Variants in HECW2 observed in about 807,000 individuals in gnomAD.
HECW2 encodes the protein HECT, C2 and WW domain containing E3 ubiquitin protein ligase 2.
In HECW2, 61 loss-of-function variants were observed where a neutral mutation model predicts 175.2. The ratio of observed to expected loss-of-function variants is 0.35; its 90% CI spans 0.28 to 0.43. HECW2 has a LOEUF of 0.43. Ranked by LOEUF, HECW2 falls within the 20% of genes least tolerant of loss-of-function variation. The pLI is 1.00. For missense variants in HECW2, 1,524 were observed against 2,000.5 expected, an observed-to-expected ratio of 0.76 and a Z score of 4.54; for synonymous variants, 671 against 731.0, an observed-to-expected ratio of 0.92 and a Z score of 1.32.
chr2:196,382,359 A>G (rs1694231873), intron 2 of HECW2, among the ~76,000 whole-genome samples: 1 of 152,032 alleles, frequency 6.6e-6, no homozygotes, highest in Non-Finnish European at 1.5e-5. Context: ...TTGGAAATGC[A>G]TGAGAGGTTG....
chr2:196,410,997 T>TTTTTG (rs777787130), intron 2 of HECW2, among the ~76,000 whole-genome samples: 25 of 151,708 alleles, frequency 1.6e-4, no homozygotes, highest in Non-Finnish European at 2.8e-4. Context: ...AGACAGGAGC[T>TTTTTG]TTTTGTTTTG....
intron 2 of HECW2, among the ~76,000 whole-genome samples, chr2:196,426,787 T>C (rs967921525): frequency 2.6e-5 from 4 of 152,172 alleles, no homozygotes; most frequent in Admixed American, 2.6e-4. Flanking sequence ...ATCATCATTC[T>C]AGACCTTAGT....
chr2:196,577,447 A>C (rs994148036), intron 1 of HECW2, among the ~76,000 whole-genome samples: 2 of 152,178 alleles, frequency 1.3e-5, no homozygotes, highest in Non-Finnish European at 2.9e-5. Flanking sequence ...AGGATCTATT[A>C]GACCTGATGT....
intron 4 of HECW2, among the ~76,000 whole-genome samples, chr2:196,330,465 T>C (rs926723222): frequency 6.6e-6 from 1 of 152,224 alleles, no homozygotes; most frequent in Non-Finnish European, 1.5e-5. Flanking sequence ...TTAGATTAAA[T>C]TCTTCTGACA....
intron 1 of HECW2, chr2:196,586,545 C>A (rs1387351139): frequency 9.9e-5 from 15 of 152,168 alleles, no homozygotes; most frequent in Admixed American, 9.8e-4. Context: ...TCCATAGTTT[C>A]CACTGTTTCT....
chr2:196,546,756 A>G (rs1331006508), intron 1 of HECW2, among the ~76,000 whole-genome samples: 1 of 151,650 alleles, frequency 6.6e-6, no homozygotes, highest in African/African-American at 2.4e-5. Context: ...ACACAACAAG[A>G]TTCTTCTGCA....
intron 1 of HECW2, among the ~76,000 whole-genome samples, chr2:196,446,091 T>C (rs2125298962): frequency 6.6e-6 from 1 of 152,350 alleles, no homozygotes; most frequent in Non-Finnish European, 1.5e-5. Flanking sequence ...CCCCACATGA[T>C]CTGGCTGTTG....
rs1384518307 is a variant in HECW2 at position 196,433,455 on chromosome 2, A to G, written c.-32T>C. Reference sequence around the variant, plus strand: ...TGCTTCTCTGGGATTGGCTGCCTACAAAGCTGCAAGAGACAGATAAACATA... The same window carrying G: ...TGCTTCTCTGGGATTGGCTGCCTACGAAGCTGCAAGAGACAGATAAACATA... On this transcript the variant is annotated 5_prime_UTR_variant, in exon 2 of 29. Transcript: ENST00000644978. The G allele has an allele frequency of 1.9e-6, 3 of 1,599,610 alleles. No individual in the cohort carries two copies. The highest frequency in any genetic ancestry group is 2.2e-5 in the East Asian group (1 of 44,722).
Position 196,322,708 on chromosome 2 carries a change from T to C in HECW2, c.742-88A>G. On this transcript the variant is annotated intron_variant, in intron 6 of 28. Coordinates refer to ENST00000644978, the MANE Select transcript of HECW2 (RefSeq NM_001348768.2). ...TTATTTGTATAGGAAATGGTATCTC[T>C]TAAATTCTAACAACATACAGAGTTC... 4.1e-6 allele frequency: 5 copies of C among 1,219,992 alleles called. No homozygotes were observed. The Admixed American group carries it at 6.1e-5, about 15-fold the overall frequency. 75.6% of individuals were successfully genotyped at this position (1,219,992 alleles called of 1,614,324 possible). A position where few individuals can be genotyped will look rare whatever the true frequency, so the allele number is the denominator to read the frequency against.
chr2:196,201,500 AATTT>A, intron 28 of HECW2, 112 bp from the exon 29 acceptor site: 2 of 581,908 alleles, frequency 3.4e-6, no homozygotes, highest in Non-Finnish European at 5.8e-6. Context: ...TTCACATTCA[AATTT>A]ATTTGTTGCC....
intron 28 of HECW2, among the ~76,000 whole-genome samples, chr2:196,208,336 T>C (rs1687142659): frequency 6.6e-6 from 1 of 152,252 alleles, no homozygotes; most frequent in Non-Finnish European, 1.5e-5. Flanking sequence ...GAATTTCTTG[T>C]CTGGAGTGGT....
chr2:196,211,777 C>T (rs1327684190), intron 28 of HECW2, among the ~76,000 whole-genome samples: 1 of 152,134 alleles, frequency 6.6e-6, no homozygotes, highest in Non-Finnish European at 1.5e-5. Flanking sequence ...CCTTTACAGC[C>T]CCTCCAACCC....
intron 13 of HECW2, among the ~76,000 whole-genome samples, chr2:196,303,580 T>G (rs1279569295): frequency 6.6e-6 from 1 of 152,238 alleles, no homozygotes; most frequent in Non-Finnish European, 1.5e-5. Context: ...TGCCTCAATT[T>G]CAGAACTCAT....
intron 2 of HECW2, among the ~76,000 whole-genome samples, chr2:196,363,349 A>T (rs1693653735): frequency 6.6e-6 from 1 of 152,134 alleles, no homozygotes; most frequent in African/African-American, 2.4e-5. Context: ...CAGATGAGAA[A>T]ACTAAGGCTC....
intron 2 of HECW2, among the ~76,000 whole-genome samples, chr2:196,357,199 A>G (rs1344038239): frequency 6.6e-6 from 1 of 152,198 alleles, no homozygotes; most frequent in Non-Finnish European, 1.5e-5. Context: ...CATAACCTGG[A>G]CATGACTCAC....
At position 196,235,615 on chromosome 2, in the gene HECW2, C is replaced by T. The variant is rs541919735; in HGVS notation, c.3764+4834G>A. Reference sequence around the variant, plus strand: ...GAGCTGAAATCTCTCTGCTCATTCACACCTTTTTTGGAGCACAGGTAGATG... The same window carrying T: ...GAGCTGAAATCTCTCTGCTCATTCATACCTTTTTTGGAGCACAGGTAGATG... On this transcript the variant is annotated intron_variant, in intron 21 of 28. Coordinates refer to ENST00000644978, the MANE Select transcript of HECW2 (RefSeq NM_001348768.2). Among the ~76,000 whole-genome samples the T allele has an allele frequency of 8.0e-5, 12 of 149,860 alleles. No individual in the cohort carries two copies. In the South Asian group the frequency reaches 2.5e-3, roughly 32 times the overall value.
intron 2 of HECW2, among the ~76,000 whole-genome samples, chr2:196,388,319 T>C (rs1694409516): frequency 6.6e-6 from 1 of 152,186 alleles, no homozygotes; most frequent in Non-Finnish European, 1.5e-5. Context: ...TTTCTTATTA[T>C]AATTGTACAA....
chr2:196,449,093 T>C (rs1453656901), intron 1 of HECW2, among the ~76,000 whole-genome samples: 2 of 152,114 alleles, frequency 1.3e-5, no homozygotes, highest in Non-Finnish European at 2.9e-5. Context: ...AAAAGGAAGA[T>C]GGTGATGGTC....
intron 1 of HECW2, among the ~76,000 whole-genome samples, chr2:196,532,725 C>T (rs1688883130): frequency 6.6e-6 from 1 of 152,010 alleles, no homozygotes; most frequent in Admixed American, 6.6e-5. Flanking sequence ...GCTACAATGA[C>T]CTCTGGAGAG....
Sources: allele counts gnomAD v4.1 joint callset (sites outside exome capture counted in the v4.1 genomes callset), GRCh38; gene constraint gnomAD v4.1.1; transcripts MANE v1.5; gene names NCBI Gene and HGNC (gene_info 2026-07-23, HGNC 2026-07-21).